TSPAN14: variants seen among roughly 807,000 people sequenced by gnomAD.
TSPAN14 encodes tetraspanin 14.
In TSPAN14, 16 loss-of-function variants were observed where a neutral mutation model predicts 36.6. That is an observed-to-expected ratio of 0.44 (90% confidence interval 0.30 to 0.66). The LOEUF (loss-of-function observed/expected upper bound fraction) is 0.66, where lower values mean the gene tolerates loss of function less well. TSPAN14 is among the 30% of genes least tolerant of loss of function. The pLI is 0.12. For synonymous variants in TSPAN14, 139 were observed against 143.8 expected (o/e 0.97, Z 0.24); for missense variants, 231 against 355.1 (o/e 0.65, Z 2.81).
intron 8 of TSPAN14, 22 bp downstream of exon 8, chr10:80,516,345 G>C: frequency 6.2e-7 from 1 of 1,613,696 alleles, no homozygotes; most frequent in Non-Finnish European, 8.5e-7. Flanking sequence ...GAGCCTATAG[G>C]ATTGGCAGGT....
intron 2 of TSPAN14, among the ~76,000 whole-genome samples, chr10:80,504,042 G>A (rs1331424262): frequency 1.3e-5 from 2 of 152,182 alleles, no homozygotes; most frequent in African/African-American, 2.4e-5. Context: ...TGGGGTTGGG[G>A]GTGGTGCTCC....
At chr10:80,522,552 T>C (rs1431640001) in exon 9 of TSPAN14, 1 of 152,138 alleles carries the variant, frequency 6.6e-6, no homozygotes, top group African/African-American at 2.4e-5. Flanking sequence ...ATTATCACCT[T>C]GGACTGTATA....
chr10:80,460,440 CAGATGAG>C (rs1845912547), intron 1 of TSPAN14, among the ~76,000 whole-genome samples: 2 of 152,168 alleles, frequency 1.3e-5, no homozygotes, highest in African/African-American at 4.8e-5. Context: ...AGGTCAGGAC[CAGATGAG>C]TAGAGGGCTC....
intron 2 of TSPAN14, among the ~76,000 whole-genome samples, chr10:80,494,548 T>C (rs554551303): frequency 1.3e-5 from 2 of 152,300 alleles, no homozygotes; most frequent in East Asian, 1.9e-4. Flanking sequence ...TGGGGTCTTA[T>C]TCTCTTCCTC....
chr10:80,517,864 GC>G (rs1564749822), intron 8 of TSPAN14, 40 bp from the exon 9 acceptor site: 2 of 1,545,838 alleles, frequency 1.3e-6, no homozygotes, highest in South Asian at 2.4e-5. Flanking sequence ...CTGCCTTTGG[GC>G]CCCAGCAATG....
At chr10:80,486,122 C>T (rs1051375678) in intron 1 of TSPAN14, among the ~76,000 whole-genome samples, 4 of 152,186 alleles carry the variant, frequency 2.6e-5, no homozygotes, top group Non-Finnish European at 4.4e-5. Flanking sequence ...GAGTCTCTGA[C>T]GGGTGTAGGT....
At chr10:80,493,296 C>G (rs1343565591) in intron 2 of TSPAN14, among the ~76,000 whole-genome samples, 1 of 152,162 alleles carries the variant, frequency 6.6e-6, no homozygotes, top group African/African-American at 2.4e-5. Context: ...AACCTTTGTG[C>G]ACTGTTAGTG....
intron 1 of TSPAN14, among the ~76,000 whole-genome samples, chr10:80,474,665 G>C (rs1040738514): frequency 2.6e-5 from 4 of 152,092 alleles, no homozygotes; most frequent in African/African-American, 9.7e-5. Context: ...TGAGGCATGT[G>C]ATTATCCCAT....
intron 2 of TSPAN14, among the ~76,000 whole-genome samples, chr10:80,504,385 G>C (rs919435719): frequency 6.6e-6 from 1 of 152,174 alleles, no homozygotes; most frequent in Non-Finnish European, 1.5e-5. Flanking sequence ...TGATGTCTTC[G>C]TATACACCAG....
At position 80,486,253 on chromosome 10, in the gene TSPAN14, G is replaced by A. The variant is rs151292067; in HGVS notation, c.-17-2964G>A. 2.5e-4 allele frequency among the ~76,000 whole-genome samples: 38 copies of A among 152,374 alleles called. No individual in the cohort carries two copies. The East Asian group carries it at 3.9e-3, about 15-fold the overall frequency. The stretch of plus-strand genomic sequence containing the variant: ...CTGTGGAGAATCCTTGCTCCAGAGC[G>A]CTGGCCTTCCTGCCAACTGCATCCC... On this transcript the variant is annotated intron_variant, in intron 1 of 8. Coordinates refer to ENST00000429989, the Ensembl canonical transcript of TSPAN14.
intron 2 of TSPAN14, among the ~76,000 whole-genome samples, chr10:80,498,860 G>A (rs558196694): frequency 6.6e-6 from 1 of 152,166 alleles, no homozygotes; most frequent in Admixed American, 6.5e-5. Context: ...TCTTGGACTC[G>A]CATGAGGCCC....
At chr10:80,457,523 C>T (rs916889612) in intron 1 of TSPAN14, among the ~76,000 whole-genome samples, 2 of 152,214 alleles carry the variant, frequency 1.3e-5, no homozygotes, top group African/African-American at 2.4e-5. Context: ...CAATATGTTC[C>T]TCTCAGAGGT....
At chr10:80,481,272 T>G (rs1396213500) in intron 1 of TSPAN14, among the ~76,000 whole-genome samples, 1 of 152,032 alleles carries the variant, frequency 6.6e-6, no homozygotes, top group Admixed American at 6.6e-5. Flanking sequence ...GATGGAAGGA[T>G]CTCCGAAGGC....
intron 1 of TSPAN14, among the ~76,000 whole-genome samples, chr10:80,456,223 C>T (rs920181095): frequency 6.6e-6 from 1 of 152,154 alleles, no homozygotes; most frequent in African/African-American, 2.4e-5. Flanking sequence ...AGCTTGATCT[C>T]AGCGTAGCAG....
At chr10:80,502,953 C>T (rs920428075) in intron 2 of TSPAN14, among the ~76,000 whole-genome samples, 4 of 151,866 alleles carry the variant, frequency 2.6e-5, no homozygotes, top group Non-Finnish European at 5.9e-5. Context: ...GGAAGGCAGT[C>T]AGGGGCATAT....
At chr10:80,482,074 G>C (rs1564723154) in intron 1 of TSPAN14, among the ~76,000 whole-genome samples, 2 of 152,178 alleles carry the variant, frequency 1.3e-5, no homozygotes, top group African/African-American at 4.8e-5. Flanking sequence ...AGTTCTAAGA[G>C]ATATTTGGGT....
chr10:80,455,207 C>G (rs79389802), intron 1 of TSPAN14, among the ~76,000 whole-genome samples: 1,719 of 152,168 alleles, frequency 0.011, 37 homozygotes, highest in African/African-American at 0.039. Flanking sequence ...GAGCACTTGT[C>G]TTGGGGACTT....
chr10:80,496,087 T>G (rs1848184902), intron 2 of TSPAN14, among the ~76,000 whole-genome samples: 1 of 152,238 alleles, frequency 6.6e-6, no homozygotes, highest in African/African-American at 2.4e-5. Context: ...TCTTATTTTT[T>G]AATTGTACAA....
At chr10:80,473,606 T>C (rs1205440940) in intron 1 of TSPAN14, among the ~76,000 whole-genome samples, 2 of 151,926 alleles carry the variant, frequency 1.3e-5, no homozygotes, top group African/African-American at 4.8e-5. Context: ...CCCCTGACGT[T>C]GTGCAGCTGT....
Sources: gnomAD v4.1 joint callset for allele counts (sites outside exome capture counted in the v4.1 genomes callset) on GRCh38, gnomAD v4.1.1 for gene constraint, MANE v1.5 for transcripts, NCBI Gene and HGNC (gene_info 2026-07-23, HGNC 2026-07-21) for gene names.